The following SEMA4D variants were observed in gnomAD, a reference collection of about 807,000 sequenced individuals.
SEMA4D encodes semaphorin-4D.
SEMA4D carries 22 observed loss-of-function variants against 74.8 expected under a neutral mutation model. The ratio of observed to expected loss-of-function variants is 0.29; its 90% CI spans 0.21 to 0.42. The LOEUF is 0.42. Among genes scored for constraint, SEMA4D ranks in the 10% least tolerant of loss-of-function variants. SEMA4D has a pLI of 1.00. For synonymous variants in SEMA4D, 445 were observed against 463.7 expected, an observed-to-expected ratio of 0.96 and a Z score of 0.52; for missense variants, 937 against 1,118.4, an observed-to-expected ratio of 0.84 and a Z score of 2.31.
chr9:89,462,129 C>A (rs2135723205), intron 1 of SEMA4D, among the ~76,000 whole-genome samples: 1 of 152,258 alleles, frequency 6.6e-6, no homozygotes, highest in East Asian at 1.9e-4. Flanking sequence ...TTTGCTGAAT[C>A]CCTAACTGAA....
intron 13 of SEMA4D, among the ~76,000 whole-genome samples, chr9:89,382,123 C>T (rs909444473): frequency 2.6e-5 from 4 of 152,194 alleles, no homozygotes; most frequent in African/African-American, 7.2e-5. Context: ...GCCCACCTGG[C>T]ACCAGCAGTG....
intron 2 of SEMA4D, chr9:89,449,980 ATGT>A: frequency 6.5e-7 from 1 of 1,541,262 alleles, no homozygotes; most frequent in Non-Finnish European, 9.0e-7. Context: ...AGGAAAGCAG[ATGT>A]TATTAAGGCA....
intron 2 of SEMA4D, among the ~76,000 whole-genome samples, chr9:89,416,078 C>T (rs954566626): frequency 5.9e-5 from 9 of 152,154 alleles, no homozygotes; most frequent in African/African-American, 1.9e-4. Flanking sequence ...ACTCCACAAA[C>T]CAAATGTAAA....
intron 2 of SEMA4D, among the ~76,000 whole-genome samples, chr9:89,442,702 A>AAGGGG (rs1460602591): frequency 4.6e-5 from 7 of 152,168 alleles, no homozygotes; most frequent in South Asian, 2.1e-4. Flanking sequence ...GGATACATGC[A>AAGGGG]AGGGGAGGGG....
chr9:89,430,273 C>A lies in SEMA4D; in HGVS notation c.-243-24574G>T, dbSNP rs1165215465. Among the ~76,000 whole-genome samples, 6 of 152,300 alleles carry A rather than the reference C, an allele frequency of 3.9e-5. No homozygotes were observed. The East Asian group carries it at 5.8e-4, about 15-fold the overall frequency. ...CCAAGCATCTGTCCCTGCTCCCCAGCAGCCAAAGAGCAAACCCTCCAGACA... is the reference window on the plus strand; with the variant it reads ...CCAAGCATCTGTCCCTGCTCCCCAGAAGCCAAAGAGCAAACCCTCCAGACA... On this transcript the variant is annotated intron_variant, in intron 2 of 15. Coordinates refer to ENST00000422704, the MANE Select transcript of SEMA4D (RefSeq NM_001371194.2).
rs562956313 is a variant in SEMA4D, at chr9:89,485,890, G to A, written c.-310+12029C>T. ...ATGCTGGACCTCAGTATAGAGCATC[G>A]AATCACAACTCCTGGCTTCACCACT... is the stretch of plus-strand genomic sequence containing the variant. On this transcript the variant is annotated intron_variant, in intron 1 of 15. Coordinates refer to ENST00000422704, the MANE Select transcript of SEMA4D (RefSeq NM_001371194.2). Among the ~76,000 whole-genome samples, 31 of 149,146 alleles carry A rather than the reference G, an allele frequency of 2.1e-4. No individual in the cohort carries two copies. The South Asian group carries it at 2.8e-3, about 13-fold the overall frequency.
At chr9:89,391,798 T>A (rs1564595938) in intron 8 of SEMA4D, among the ~76,000 whole-genome samples, 1 of 152,192 alleles carries the variant, frequency 6.6e-6, no homozygotes, top group South Asian at 2.1e-4. Context: ...ATGCTTCACA[T>A]AAACAAACTC....
At chr9:89,479,290 C>T (rs563686964) in intron 1 of SEMA4D, among the ~76,000 whole-genome samples, 1 of 152,218 alleles carries the variant, frequency 6.6e-6, no homozygotes, top group South Asian at 2.1e-4. Flanking sequence ...AGGGGACAGA[C>T]ACCCTGCATC....
In SEMA4D at chr9:89,387,434, T is replaced by C. The variant is rs556121720; in HGVS notation, c.1282A>G (p.Thr428Ala). ...VNYTQIVVDR[T>A]QALDGTVYDV... ...TAGACAGTCCCATCCAGGGCCTGGG[T>C]CCGGTCCACCACGATCTGGGTGTAG... The change falls in exon 12 of 16, where the codon ACC becomes GCC. Residue 428 changes from threonine (T) to alanine (A), a missense_variant. Thr to Ala is a moderately conservative substitution (Grantham distance 58). Transcript: ENST00000422704. 186 of 1,614,168 alleles carry C rather than the reference T, an allele frequency of 1.2e-4. 1 individual carries two copies. The South Asian group carries it at 1.7e-3, about 15-fold the overall frequency.
intron 2 of SEMA4D, among the ~76,000 whole-genome samples, chr9:89,439,872 G>C (rs995877148): frequency 1.3e-5 from 2 of 152,198 alleles, no homozygotes; most frequent in Non-Finnish European, 2.9e-5. Context: ...GCCGACCCAC[G>C]ATCAAGCTCA....
At chr9:89,472,389 G>C in intron 1 of SEMA4D, 1 of 362,418 alleles carries the variant, frequency 2.8e-6, no homozygotes. Context: ...GGACAGGAAT[G>C]ATCACTGGGC....
chr9:89,371,985 GGGTGT>G (rs1305442710), intron 16 of SEMA4D, among the ~76,000 whole-genome samples: 17 of 136,874 alleles, frequency 1.2e-4, no homozygotes, highest in South Asian at 2.4e-4. Context: ...TGTGTGTCTG[GGGTGT>G]GGTGTGTGTC....
chr9:89,376,573 A>C (rs2132574931), downstream of SEMA4D: 1 of 422,748 alleles, frequency 2.4e-6, no homozygotes, highest in East Asian at 3.9e-5. Context: ...CCTGCAGCCC[A>C]CAAGGCCTAA....
rs1824941494 is a variant in SEMA4D at position 89,484,046 on chromosome 9, A to G, written c.-310+13873T>C. Reference sequence around the variant, plus strand: ...CAACCACTGAGGGACAACCCCACTAAGGAAGAGGGCGGGCCCCACTGAGGC... The same window carrying G: ...CAACCACTGAGGGACAACCCCACTAGGGAAGAGGGCGGGCCCCACTGAGGC... On this transcript the variant is annotated intron_variant, in intron 1 of 15. Transcript: ENST00000422704. This position sits in a 1 kb window ranked among gnomAD's most constrained non-coding sequence, Gnocchi z 4.1. 6.6e-6 allele frequency among the ~76,000 whole-genome samples: 1 copy of G among 152,236 alleles called. No homozygotes were observed. Among genetic ancestry groups the G allele is most frequent in the Non-Finnish European group, 1.5e-5 (1 of 68,038 alleles).
chr9:89,374,921 G>GC (rs1361066169), downstream of SEMA4D, among the ~76,000 whole-genome samples: 1 of 152,130 alleles, frequency 6.6e-6, no homozygotes, highest in Non-Finnish European at 1.5e-5. Flanking sequence ...GGCATGGTGA[G>GC]GTGTGCCTGT....
chr9:89,421,711 G>A (rs1448933496), intron 2 of SEMA4D, among the ~76,000 whole-genome samples: 1 of 152,210 alleles, frequency 6.6e-6, no homozygotes, highest in Non-Finnish European at 1.5e-5. Flanking sequence ...TTGTATGAAA[G>A]GGCGCTGTTC....
intron 1 of SEMA4D, among the ~76,000 whole-genome samples, chr9:89,457,391 A>C (rs187616886): frequency 1.3e-4 from 20 of 152,336 alleles, no homozygotes; most frequent in Non-Finnish European, 1.8e-4. Flanking sequence ...GGCTGACCAG[A>C]ATCAAATAAA....
intron 6 of SEMA4D, among the ~76,000 whole-genome samples, chr9:89,395,783 C>T (rs1403571049): frequency 1.3e-5 from 2 of 152,176 alleles, no homozygotes; most frequent in Non-Finnish European, 2.9e-5. Flanking sequence ...GCTTCCTCAT[C>T]AAGTCTCTAA....
intron 2 of SEMA4D, among the ~76,000 whole-genome samples, chr9:89,420,610 G>A (rs1374308372): frequency 2.6e-5 from 4 of 152,234 alleles, no homozygotes; most frequent in African/African-American, 9.6e-5. Context: ...GCCTTCATCT[G>A]GCCTCCATCC....
Sources: gnomAD v4.1 joint callset for allele counts (sites outside exome capture counted in the v4.1 genomes callset) on GRCh38, gnomAD v4.1.1 for gene constraint, Gnocchi (gnomAD v3.1) non-coding constraint, MANE v1.5 for transcripts, NCBI Gene and HGNC (gene_info 2026-07-23, HGNC 2026-07-21) for gene names.